Variants in SPHKAP observed in about 807,000 individuals in gnomAD.
SPHKAP encodes the protein SPHK1 interactor, AKAP domain containing.
Under a neutral mutation model 137.5 loss-of-function variants are expected in SPHKAP, and 67 were observed. The ratio of observed to expected loss-of-function variants is 0.49; its 90% CI spans 0.40 to 0.60. SPHKAP has a LOEUF of 0.60. Among genes scored for constraint, SPHKAP ranks in the 20% least tolerant of loss-of-function variants. The pLI is 0.00. For synonymous variants in SPHKAP, 813 were observed against 785.3 expected (o/e 1.04, Z -0.59); for missense variants, 2,097 against 2,069.3 (o/e 1.01, Z -0.26).
At chr2:228,132,841 T>TATAAAAAAA (rs1574879687) in intron 1 of SPHKAP, among the ~76,000 whole-genome samples, 1 of 67,418 alleles carries the variant, frequency 1.5e-5, no homozygotes, top group East Asian at 7.2e-4. Flanking sequence ...CTACTAAAAA[T>TATAAAAAAA]ACAAAAAAAA....
At position 228,128,893 on chromosome 2, in the gene SPHKAP, T is replaced by C. The variant is rs138685540; in HGVS notation, c.138+3087A>G. 1.2e-3 allele frequency among the ~76,000 whole-genome samples: 181 copies of C among 152,278 alleles called. 1 individual carries two copies. Among genetic ancestry groups the C allele is most frequent in the Admixed American group, 3.5e-3 (54 of 15,292 alleles). On this transcript the variant is annotated intron_variant, in intron 2 of 11. Transcript: ENST00000392056. Reference sequence around the variant, plus strand: ...TTCAGTAAACCATGCTGTAAACAGATGTGCTGCAATCCAGGCTTTGTTATT... The same window carrying C: ...TTCAGTAAACCATGCTGTAAACAGACGTGCTGCAATCCAGGCTTTGTTATT...
chr2:228,106,396 C>A (rs1698347369), intron 3 of SPHKAP, among the ~76,000 whole-genome samples: 1 of 152,090 alleles, frequency 6.6e-6, no homozygotes, highest in Non-Finnish European at 1.5e-5. Context: ...CTGGGTCCCC[C>A]CAGAGTTATG....
rs1485837886 is a variant in SPHKAP at position 227,981,299 on chromosome 2, T to C, written c.*418A>G. ...TTAATATAATCAGAAAAGTAAAATATAGGTTACGGAATACTCTTAAAAATT... is the reference window on the plus strand; with the variant it reads ...TTAATATAATCAGAAAAGTAAAATACAGGTTACGGAATACTCTTAAAAATT... On this transcript the variant is annotated 3_prime_UTR_variant, in exon 12 of 12. Coordinates refer to ENST00000392056, the MANE Select transcript of SPHKAP (RefSeq NM_001142644.2). 3 of 153,000 alleles carry C rather than the reference T, an allele frequency of 2.0e-5. No individual in the cohort carries two copies. Among genetic ancestry groups the C allele is most frequent in the South Asian group, 2.1e-4 (1 of 4,842 alleles). The allele number at this position is 153,000 out of a possible 1,614,324, so 9.5% of individuals were successfully genotyped here.
rs1574826352 is a variant in SPHKAP, at chr2:228,075,069, G to GAAAACA, written c.246+33762_246+33763insTGTTTT. Among the ~76,000 whole-genome samples, 7 of 152,280 alleles carry GAAAACA rather than the reference G, an allele frequency of 4.6e-5. No homozygotes were observed. The East Asian group carries it at 1.3e-3, about 29-fold the overall frequency. ...TCTGAAAGGGCAGAGGGTATGTTTAGCTTAGTCACCATGGTAGCTCCAGGG... is the reference window on the plus strand; with the variant it reads ...TCTGAAAGGGCAGAGGGTATGTTTAGAAAACACTTAGTCACCATGGTAGCTCCAGGG... On this transcript the variant is annotated intron_variant, in intron 3 of 11. Coordinates refer to ENST00000392056, the MANE Select transcript of SPHKAP (RefSeq NM_001142644.2).
chr2:228,034,854 T>C (rs1050116947), intron 3 of SPHKAP, among the ~76,000 whole-genome samples: 5 of 152,108 alleles, frequency 3.3e-5, no homozygotes, highest in African/African-American at 4.8e-5. Flanking sequence ...AAACTCTCAA[T>C]AAATTAGGTA....
At chr2:228,111,965 C>A (rs1398874011) in intron 2 of SPHKAP, among the ~76,000 whole-genome samples, 2 of 151,870 alleles carry the variant, frequency 1.3e-5, no homozygotes, top group Non-Finnish European at 2.9e-5. Context: ...TAATGAAATT[C>A]TGAGGTGACA....
intron 11 of SPHKAP, 82 bp downstream of exon 11, chr2:227,990,917 AG>A (rs1488486335): frequency 1.5e-6 from 2 of 1,358,732 alleles, no homozygotes; most frequent in Non-Finnish European, 2.1e-6. Context: ...TCAAATGGAC[AG>A]GGGTTTACTG....
At chr2:228,093,484 T>C (rs531562367) in intron 3 of SPHKAP, among the ~76,000 whole-genome samples, 17 of 152,260 alleles carry the variant, frequency 1.1e-4, no homozygotes, top group South Asian at 1.0e-3. Flanking sequence ...TGAATCACCT[T>C]GAAAATATGC....
intron 1 of SPHKAP, among the ~76,000 whole-genome samples, chr2:228,159,466 C>T (rs1700211000): frequency 6.6e-6 from 1 of 152,138 alleles, no homozygotes; most frequent in African/African-American, 2.4e-5. Flanking sequence ...AAGTTAGGCT[C>T]CTACCCTCCC....
intron 1 of SPHKAP, among the ~76,000 whole-genome samples, chr2:228,138,119 A>T (rs1258128229): frequency 6.6e-6 from 1 of 152,200 alleles, no homozygotes; most frequent in Non-Finnish European, 1.5e-5. Flanking sequence ...GAATTCTCAC[A>T]TCCAAATATC....
intron 3 of SPHKAP, among the ~76,000 whole-genome samples, chr2:228,048,166 C>T (rs1696131695): frequency 6.6e-6 from 1 of 152,148 alleles, no homozygotes; most frequent in Non-Finnish European, 1.5e-5. Context: ...TTTAATTCAT[C>T]AGTTCGCTGC....
chr2:227,993,301 A>G (rs749441519), intron 9 of SPHKAP, among the ~76,000 whole-genome samples: 19 of 152,158 alleles, frequency 1.2e-4, no homozygotes, highest in Non-Finnish European at 2.2e-4. Context: ...GATTATATTG[A>G]TAAGTTTTAT....
rs1694715211 is a variant in SPHKAP, at chr2:228,018,792, T to C, written c.2062A>G (p.Met688Val). 1 of 1,614,126 alleles carries C rather than the reference T, an allele frequency of 6.2e-7. No homozygotes were observed. Among genetic ancestry groups the C allele is most frequent in the Admixed American group, 1.7e-5 (1 of 60,014 alleles). ...CTGTTGTCATTGGGGTCGATTATCA[T>C]ATTTTTGTGGTGAACTTCATCAATG... ...HSIDEVHHKN[M>V]IIDPNDNRHS... Residue 688 changes from methionine (M) to valine (V), a missense_variant, in exon 7 of 12, where the codon ATG (methionine) becomes GTG (valine). Transcript: ENST00000392056.
At chr2:228,020,503 G>A (rs1694800171) in intron 6 of SPHKAP, among the ~76,000 whole-genome samples, 1 of 152,236 alleles carries the variant, frequency 6.6e-6, no homozygotes, top group East Asian at 1.9e-4. Flanking sequence ...TCACTCATAG[G>A]TGGGAATTGA....
At chr2:228,041,646 CAAAAA>C (rs58570907) in intron 3 of SPHKAP, among the ~76,000 whole-genome samples, 8 of 95,908 alleles carry the variant, frequency 8.3e-5, no homozygotes, top group African/African-American at 2.0e-4. Context: ...GACTCTGTCT[CAAAAA>C]AAAAAAAAAA....
chr2:228,109,007 C>CA, intron 2 of SPHKAP, 68 bp from the exon 3 acceptor site: 9 of 719,328 alleles, frequency 1.3e-5, no homozygotes, highest in South Asian at 2.9e-5. Context: ...AGCTCTCTCT[C>CA]TTTTTTTTTT....
At chr2:228,158,395 C>T (rs2106409574) in intron 1 of SPHKAP, among the ~76,000 whole-genome samples, 1 of 144,540 alleles carries the variant, frequency 6.9e-6, no homozygotes, top group South Asian at 2.1e-4. Flanking sequence ...AGAGCAATTG[C>T]ATCCCAGCTC....
intron 3 of SPHKAP, among the ~76,000 whole-genome samples, chr2:228,042,827 A>G (rs4973610): frequency 0.62 from 94,665 of 152,034 alleles, 30,084 homozygotes; most frequent in African/African-American, 0.75. Context: ...TATAAGAACC[A>G]AATGTTATTT....
intron 2 of SPHKAP, among the ~76,000 whole-genome samples, chr2:228,113,963 G>A (rs1176850226): frequency 6.6e-6 from 1 of 152,072 alleles, no homozygotes. Context: ...TTAGTTTCAT[G>A]GCTTGGACAA....
Sources: allele counts gnomAD v4.1 joint callset (sites outside exome capture counted in the v4.1 genomes callset), GRCh38; gene constraint gnomAD v4.1.1; transcripts MANE v1.5; gene names NCBI Gene and HGNC (gene_info 2026-07-23, HGNC 2026-07-21).